Variants in PAGE5 observed in about 807,000 individuals in gnomAD.
PAGE5 encodes PAGE family member 5.
A neutral mutation model predicts 8.1 loss-of-function variants in PAGE5; 8 were observed. That is an observed-to-expected ratio of 0.98 (90% CI 0.58 to 1.77). The LOEUF is 1.77. PAGE5 is among the 40% of genes most tolerant of loss of function. The probability of loss-of-function intolerance (pLI) is 0.00; values close to 1 mark genes in which losing one functional copy is unlikely to be tolerated. For synonymous variants in PAGE5, 30 were observed against 27.0 expected (o/e 1.11, Z -0.35); for missense variants, 64 against 77.6 (o/e 0.82, Z 0.66).
At chrX:55,220,781 G>T in intron 1 of PAGE5, 2 of 690,088 alleles carry the variant, frequency 2.9e-6, no homozygotes, top group South Asian at 2.8e-5. Context: ...TCTTCGTTAG[G>T]GATGCGAGAA....
chrX:55,220,906 C>T (rs1937883502), intron 1 of PAGE5, among the ~76,000 whole-genome samples: 1 of 111,020 alleles, frequency 9.0e-6, no homozygotes, highest in Non-Finnish European at 1.9e-5. Flanking sequence ...GGAACATAAC[C>T]TTAACTCTGT....
intron 1 of PAGE5, 51 bp downstream of exon 1, chrX:55,220,503 G>A: frequency 1.2e-6 from 1 of 837,003 alleles, no homozygotes; most frequent in Non-Finnish European, 1.8e-6. Flanking sequence ...GTGAATGTGT[G>A]GAGGAGCCAG....
intron 2 of PAGE5, 125 bp from the exon 3 acceptor site, chrX:55,221,642 T>C: frequency 2.2e-6 from 2 of 914,735 alleles, no homozygotes; most frequent in South Asian, 5.0e-5. Context: ...TGGATATGGA[T>C]ATTTTACTCT....
Position 55,220,424 on chromosome X carries a change from G to A in PAGE5, c.-37G>A, listed in dbSNP as rs933218177. 1.3e-5 allele frequency: 6 copies of A among 472,400 alleles called. No homozygotes were observed. Among genetic ancestry groups the A allele is most frequent in the East Asian group, 7.6e-5 (2 of 26,160 alleles). The allele number at this position is 472,400 out of a possible 1,213,427, so 38.9% of individuals were successfully genotyped here. ...CATCTTCGTTCTTTCCAACATCTTC[G>A]TTCTTTCTCACTGACCGAGACTCAG... On this transcript the variant is annotated 5_prime_UTR_variant, in exon 1 of 5. Transcript: ENST00000374955.
Position 55,221,395 on chromosome X carries a change from G to T in PAGE5, c.13G>T (p.Val5Leu). ...TTCAGTGAGAGATATGAGTGAGCAT[G>T]TAACAAGATCCCAATCCTCAGAAAG... MSEH[V>L]TRSQSSERGN... The change falls in exon 2 of 5, where the codon GTA (valine) becomes TTA (leucine). Residue 5 changes from valine (V) to leucine (L), a missense_variant. Val to Leu is a conservative substitution (Grantham distance 32). Transcript: ENST00000374955. The T allele has an allele frequency of 1.7e-6, 2 of 1,210,536 alleles. No homozygotes were observed. The highest frequency in any genetic ancestry group is 4.6e-4 in the Middle Eastern group (2 of 4,329).
chrX:55,223,061 A>G (rs762844058), intron 4 of PAGE5, among the ~76,000 whole-genome samples: 11 of 111,965 alleles, frequency 9.8e-5, no homozygotes, highest in Admixed American at 1.9e-4. Flanking sequence ...GAAACATGCT[A>G]AGAGAGTAGA....
Position 55,220,675 on chromosome X carries a change from G to A in PAGE5, c.-9+223G>A, listed in dbSNP as rs372265889. ...AGGTAGGCCGTGGAGGGGGTAGATC[G>A]CCTGAAGATGGTGCGAGTCCTGGGG... On this transcript the variant is annotated intron_variant, in intron 1 of 4. Coordinates refer to ENST00000374955, the MANE Select transcript of PAGE5 (RefSeq NM_001013435.3). 132 of 1,183,375 alleles carry A rather than the reference G, an allele frequency of 1.1e-4. No individual in the cohort carries two copies. In the Admixed American group the frequency reaches 1.4e-3, roughly 12 times the overall value.
Position 55,223,967 on chromosome X carries a change from AT to A in PAGE5, c.317-16del. ...GAAATCTGCTGAATAACGTGCTCTA[AT>A]TTTATATTTATATTATAGGTGAAGG... On this transcript the variant is annotated intron_variant, in intron 4 of 4. Transcript: ENST00000374955. The A allele has an allele frequency of 8.9e-7, 1 of 1,122,597 alleles. No homozygotes were observed. Among genetic ancestry groups the A allele is most frequent in the Non-Finnish European group, 1.2e-6 (1 of 832,878 alleles). 92.5% of individuals were successfully genotyped at this position (1,122,597 alleles called of 1,213,427 possible).
chrX:55,223,363 T>G (rs1308353184), intron 4 of PAGE5, among the ~76,000 whole-genome samples: 8 of 112,210 alleles, frequency 7.1e-5, no homozygotes, highest in African/African-American at 2.6e-4. Context: ...GCTGGTAATG[T>G]CTTAAAGCTA....
intron 4 of PAGE5, 124 bp from the exon 5 acceptor site, chrX:55,223,863 T>C (rs1937925101): frequency 4.0e-5 from 17 of 429,791 alleles, no homozygotes; most frequent in Non-Finnish European, 6.4e-5. Flanking sequence ...TAACTGGATG[T>C]AAGCTAAAGG....
intron 1 of PAGE5, 114 bp downstream of exon 1, chrX:55,220,566 C>G: frequency 8.5e-7 from 1 of 1,174,651 alleles, no homozygotes; most frequent in Non-Finnish European, 1.1e-6. Context: ...GGAAAAGGGC[C>G]TCGCGGTGGT....
chrX:55,222,816 A>T, intron 4 of PAGE5, 70 bp downstream of exon 4: 1 of 1,101,886 alleles, frequency 9.1e-7, no homozygotes, highest in Non-Finnish European at 1.2e-6. Context: ...TGTGACACAG[A>T]GGTAAAATTA....
rs374639718 is a variant in PAGE5, at chrX:55,220,581, C to T, written c.-9+129C>T. Reference sequence around the variant, plus strand: ...GGAAAAGGGCCTCGCGGTGGTCCTCCGCCTTCCCCCAGGTCCTGATGCAGG... The same window carrying T: ...GGAAAAGGGCCTCGCGGTGGTCCTCTGCCTTCCCCCAGGTCCTGATGCAGG... On this transcript the variant is annotated intron_variant, in intron 1 of 4. Transcript: ENST00000374955. 6.3e-4 allele frequency: 742 copies of T among 1,185,463 alleles called. No homozygotes were observed. The African/African-American group carries it at 6.6e-3, about 11-fold the overall frequency.
At position 55,221,869 on chromosome X, in the gene PAGE5, GT is replaced by G. The variant is rs1181276920; in HGVS notation, c.186del (p.Gln63LysfsTer17). On this transcript the variant is annotated frameshift_variant, in exon 3 of 5. Transcript: ENST00000374955. LOFTEE classifies it high-confidence loss of function. ...GATCAAAAATGAAGGAGCACCTGCT[GT>G]TCAAGGTGAAGGGAGAGTGGAGAAT... ...GEIKNEGAPAVQGTDVEAFQQ... is the reference protein window; with the variant it reads ...GEIKNEGAPAXQGTDVEAFQQ... The G allele has an allele frequency of 2.5e-6, 3 of 1,202,494 alleles. No homozygotes were observed. Among genetic ancestry groups the G allele is most frequent in the Non-Finnish European group, 3.4e-6 (3 of 889,583 alleles).
chrX:55,223,652 C>T (rs867974391), intron 4 of PAGE5, among the ~76,000 whole-genome samples: 38 of 96,735 alleles, frequency 3.9e-4, no homozygotes, highest in African/African-American at 1.3e-3. Flanking sequence ...ATATTTTTTT[C>T]CTTAGGTTTT....
At position 55,221,676 on chromosome X, in the gene PAGE5, A is replaced by C. The variant is rs1937893767; in HGVS notation, c.82-91A>C. ...CTCTCTCTATATATATATCTATTGG[A>C]AAATGTCTTTAGATTTATGATTCGA... On this transcript the variant is annotated intron_variant, in intron 2 of 4. Transcript: ENST00000374955. 5 of 993,538 alleles carry C rather than the reference A, an allele frequency of 5.0e-6. No individual in the cohort carries two copies. The East Asian group carries it at 1.7e-4, about 33-fold the overall frequency. 81.9% of individuals were successfully genotyped at this position (993,538 alleles called of 1,213,427 possible). A position where few individuals can be genotyped will look rare whatever the true frequency, so the allele number is the denominator to read the frequency against.
At chrX:55,223,658 G>A (rs1465340209) in intron 4 of PAGE5, among the ~76,000 whole-genome samples, 3 of 110,987 alleles carry the variant, frequency 2.7e-5, no homozygotes, top group Non-Finnish European at 5.7e-5. Flanking sequence ...TTTTCCTTAG[G>A]TTTTTGTTTG....
chrX:55,220,647 G>A, intron 1 of PAGE5, 195 bp downstream of exon 1: 1 of 1,201,501 alleles, frequency 8.3e-7, no homozygotes, highest in Non-Finnish European at 1.1e-6. Flanking sequence ...GAACGAGGGA[G>A]GAAGGTAGGC....
intron 4 of PAGE5, 68 bp downstream of exon 4, chrX:55,222,814 A>G (rs1271412686): frequency 1.8e-6 from 2 of 1,115,935 alleles, no homozygotes; most frequent in South Asian, 2.0e-5. Flanking sequence ...TGTGTGACAC[A>G]GAGGTAAAAT....
Sources: gnomAD v4.1 joint callset for allele counts (sites outside exome capture counted in the v4.1 genomes callset) on GRCh38, gnomAD v4.1.1 for gene constraint, MANE v1.5 for transcripts, NCBI Gene and HGNC (gene_info 2026-07-23, HGNC 2026-07-21) for gene names.